Variants in KPNA3 observed in about 807,000 individuals in gnomAD.
KPNA3 encodes importin subunit alpha-4.
A neutral mutation model predicts 73.8 loss-of-function variants in KPNA3; 13 were observed. The observed-to-expected ratio is 0.18, with a 90% CI of 0.11 to 0.28. The LOEUF is 0.28. Among genes scored for constraint, KPNA3 ranks in the 10% least tolerant of loss-of-function variants. The pLI is 1.00. For synonymous variants in KPNA3, 186 were observed against 206.9 expected (o/e 0.90, Z 0.87); for missense variants, 360 against 618.1 (o/e 0.58, Z 4.43).
chr13:49,706,260 T>C lies in KPNA3; in HGVS notation c.1137+8A>G. ...TAACAGACACGGTGAACTCATAATA[T>C]GACCAACCTTAGCAAGCTGATGAAT... is the stretch of plus-strand genomic sequence containing the variant. On this transcript the variant is annotated splice_region_variant and intron_variant, in intron 13 of 16. Coordinates refer to ENST00000261667, the MANE Select transcript of KPNA3 (RefSeq NM_002267.4). The C allele has an allele frequency of 6.2e-7, 1 of 1,612,974 alleles. No homozygotes were observed. The highest frequency in any genetic ancestry group is 1.3e-5 in the African/African-American group (1 of 75,034).
intron 11 of KPNA3, among the ~76,000 whole-genome samples, chr13:49,710,643 G>A (rs550430394): frequency 2.0e-5 from 3 of 152,286 alleles, no homozygotes; most frequent in South Asian, 2.1e-4. Context: ...AGTTAACCAC[G>A]GAAAGCTTGA....
chr13:49,712,971 T>TAA (rs34032976), intron 10 of KPNA3, among the ~76,000 whole-genome samples: 1 of 136,700 alleles, frequency 7.3e-6, no homozygotes, highest in Non-Finnish European at 1.6e-5. Context: ...ACTAACCTAT[T>TAA]AAAAAAAAAA....
chr13:49,758,101 G>A (rs954485745), intron 1 of KPNA3, among the ~76,000 whole-genome samples: 1 of 151,820 alleles, frequency 6.6e-6, no homozygotes, highest in African/African-American at 2.4e-5. Context: ...GGAATCAATA[G>A]AAAATAACTA....
At chr13:49,776,682 C>T (rs1954900523) in intron 1 of KPNA3, among the ~76,000 whole-genome samples, 2 of 152,046 alleles carry the variant, frequency 1.3e-5, no homozygotes, top group African/African-American at 4.8e-5. Context: ...TTAAGTTATA[C>T]AAGGATCATT....
chr13:49,724,275 C>G (rs1178540595), intron 7 of KPNA3, among the ~76,000 whole-genome samples: 1 of 151,460 alleles, frequency 6.6e-6, no homozygotes, highest in East Asian at 1.9e-4. Context: ...TTGGTTTCAC[C>G]TAGGAGTAGA....
At chr13:49,782,692 A>C (rs527411005) in intron 1 of KPNA3, among the ~76,000 whole-genome samples, 11 of 152,234 alleles carry the variant, frequency 7.2e-5, no homozygotes, top group Non-Finnish European at 1.2e-4. Context: ...CAGCTTGGAC[A>C]ACACGGCGAA....
chr13:49,707,006 C>T (rs1173042331), intron 12 of KPNA3, among the ~76,000 whole-genome samples: 1 of 152,140 alleles, frequency 6.6e-6, no homozygotes, highest in African/African-American at 2.4e-5. Flanking sequence ...GCCTAGGCCT[C>T]CCAAAGTGCT....
chr13:49,716,329 G>T (rs1229505874), intron 10 of KPNA3, among the ~76,000 whole-genome samples: 1 of 152,098 alleles, frequency 6.6e-6, no homozygotes, highest in African/African-American at 2.4e-5. Context: ...CATAAAAAGG[G>T]TATGTAGTTC....
intron 1 of KPNA3, among the ~76,000 whole-genome samples, chr13:49,773,963 T>C (rs1425025783): frequency 6.6e-6 from 1 of 152,182 alleles, no homozygotes; most frequent in Non-Finnish European, 1.5e-5. Flanking sequence ...TGGAATGCAG[T>C]AGTGTGATCA....
At chr13:49,713,674 C>CACACACACACACACACAA (rs563909268) in intron 10 of KPNA3, among the ~76,000 whole-genome samples, 5 of 141,894 alleles carry the variant, frequency 3.5e-5, no homozygotes, top group South Asian at 2.2e-4. Context: ...CACACACACA[C>CACACACACACACACACAA]AAAACAGAAA....
At chr13:49,718,905 C>T (rs1338984910) in intron 10 of KPNA3, among the ~76,000 whole-genome samples, 1 of 152,108 alleles carries the variant, frequency 6.6e-6, no homozygotes. Context: ...TGATAAATTA[C>T]ACACAATTCA....
chr13:49,753,562 G>A (rs1954684695), intron 1 of KPNA3, among the ~76,000 whole-genome samples: 2 of 152,238 alleles, frequency 1.3e-5, no homozygotes, highest in South Asian at 4.1e-4. Flanking sequence ...GTAGAACTAA[G>A]ATTAAATAGT....
At chr13:49,722,195 G>T in intron 8 of KPNA3, 71 bp from the exon 9 acceptor site, 2 of 1,011,404 alleles carry the variant, frequency 2.0e-6, no homozygotes, top group Non-Finnish European at 2.8e-6. Context: ...GTATGCAATG[G>T]CTCATGTGGG....
intron 1 of KPNA3, among the ~76,000 whole-genome samples, chr13:49,752,486 G>C (rs1954671329): frequency 1.3e-5 from 2 of 152,024 alleles, no homozygotes; most frequent in African/African-American, 4.8e-5. Context: ...CTACTGAAAA[G>C]ACATATACAC....
chr13:49,766,340 T>C (rs1464709263), intron 1 of KPNA3, among the ~76,000 whole-genome samples: 2 of 152,218 alleles, frequency 1.3e-5, no homozygotes, highest in Non-Finnish European at 2.9e-5. Flanking sequence ...CTTAAAATGA[T>C]TCAATCATCT....
intron 15 of KPNA3, 111 bp downstream of exon 15, chr13:49,705,510 A>G: frequency 9.1e-7 from 1 of 1,098,620 alleles, no homozygotes; most frequent in East Asian, 2.4e-5. Context: ...TACTGTGATC[A>G]TTTAAAAACA....
intron 2 of KPNA3, among the ~76,000 whole-genome samples, chr13:49,737,159 T>C (rs1055555662): frequency 6.6e-6 from 1 of 152,192 alleles, no homozygotes; most frequent in Non-Finnish European, 1.5e-5. Flanking sequence ...AGTTGCTATA[T>C]AGACATGCAT....
intron 1 of KPNA3, among the ~76,000 whole-genome samples, chr13:49,788,740 A>ATTTT (rs1955006627): frequency 6.4e-4 from 19 of 29,680 alleles, no homozygotes; most frequent in East Asian, 4.7e-3. Context: ...TTTTTTTTTA[A>ATTTT]AAAAAAAAAG....
At position 49,699,441 on chromosome 13, in the gene KPNA3, A is replaced by T. The variant is rs927593196; in HGVS notation, c.*2359T>A. 3 of 151,690 alleles carry T rather than the reference A, an allele frequency of 2.0e-5. No homozygotes were observed. The highest frequency in any genetic ancestry group is 4.8e-5 in the African/African-American group (2 of 41,256). The allele number at this position is 151,690 out of a possible 1,614,324, so 9.4% of individuals were successfully genotyped here. On this transcript the variant is annotated 3_prime_UTR_variant, in exon 17 of 17. Coordinates refer to ENST00000261667, the MANE Select transcript of KPNA3 (RefSeq NM_002267.4). Reference sequence around the variant, plus strand: ...GTTTTAGTCTTTTTAAACTGAGTTTAAAAAAAAATAACAATGCAATTTTTA... The same window carrying T: ...GTTTTAGTCTTTTTAAACTGAGTTTTAAAAAAAATAACAATGCAATTTTTA...
Sources: allele counts gnomAD v4.1 joint callset (sites outside exome capture counted in the v4.1 genomes callset), GRCh38; gene constraint gnomAD v4.1.1; transcripts MANE v1.5; gene names NCBI Gene and HGNC (gene_info 2026-07-23, HGNC 2026-07-21).